MSRA: variants seen among roughly 807,000 people sequenced by gnomAD.
MSRA encodes methionine sulfoxide reductase A.
MSRA carries 54 observed loss-of-function variants against 31.3 expected under a neutral mutation model. The ratio of observed to expected loss-of-function variants is 1.73; its 90% CI spans 1.39 to 2.17. The LOEUF (loss-of-function observed/expected upper bound fraction) is 2.17. MSRA is among the 30% of genes most tolerant of loss of function. The pLI is 0.00. For missense variants in MSRA, 507 were observed against 300.9 expected, an observed-to-expected ratio of 1.69 and a Z score of -5.07; for synonymous variants, 169 against 116.5, an observed-to-expected ratio of 1.45 and a Z score of -2.90.
chr8:10,234,985 A>T (rs1251791934), intron 2 of MSRA, among the ~76,000 whole-genome samples: 1 of 152,146 alleles, frequency 6.6e-6, no homozygotes, highest in Non-Finnish European at 1.5e-5. Flanking sequence ...GGAAATTTTA[A>T]TTGAATCTCT....
At chr8:10,115,251 T>G (rs942482767) in intron 1 of MSRA, among the ~76,000 whole-genome samples, 23 of 152,140 alleles carry the variant, frequency 1.5e-4, no homozygotes, top group African/African-American at 5.3e-4. Flanking sequence ...AAAAATATAT[T>G]CATAGAACAC....
intron 5 of MSRA, among the ~76,000 whole-genome samples, chr8:10,325,453 G>T (rs1261159636): frequency 6.6e-6 from 1 of 152,174 alleles, no homozygotes; most frequent in South Asian, 2.1e-4. Flanking sequence ...GTCATGTATA[G>T]ATCTTAGGTG....
chr8:10,124,529 G>A (rs1468011527), intron 1 of MSRA, among the ~76,000 whole-genome samples: 1 of 152,184 alleles, frequency 6.6e-6, no homozygotes, highest in African/African-American at 2.4e-5. Context: ...TGCCATAATT[G>A]GAGCTAGGAC....
chr8:10,144,599 C>G (rs193098304), intron 1 of MSRA, among the ~76,000 whole-genome samples: 138 of 151,986 alleles, frequency 9.1e-4, no homozygotes, highest in African/African-American at 3.0e-3. Flanking sequence ...CGCTTCCCCC[C>G]CTCCTCCCCC....
intron 1 of MSRA, among the ~76,000 whole-genome samples, chr8:10,088,723 G>C (rs1198790803): frequency 6.6e-6 from 1 of 151,936 alleles, no homozygotes; most frequent in Non-Finnish European, 1.5e-5. Flanking sequence ...GCACCAGAGT[G>C]AGACTTCATC....
At chr8:10,141,240 C>T (rs1802679539) in intron 1 of MSRA, among the ~76,000 whole-genome samples, 2 of 152,150 alleles carry the variant, frequency 1.3e-5, no homozygotes. Flanking sequence ...CTGTGTGCCT[C>T]GCCCCTCACG....
At chr8:10,260,189 A>C (rs1406458511) in intron 3 of MSRA, among the ~76,000 whole-genome samples, 1 of 152,272 alleles carries the variant, frequency 6.6e-6, no homozygotes, top group Non-Finnish European at 1.5e-5. Flanking sequence ...CCATTGATGC[A>C]GGAGGCTCTC....
rs62488744 is a variant in MSRA at position 10,179,854 on chromosome 8, C to G, written c.143-27979C>G. 5.6e-3 allele frequency among the ~76,000 whole-genome samples: 846 copies of G among 152,290 alleles called. 2 individuals are homozygous for G. Among genetic ancestry groups the G allele is most frequent in the Non-Finnish European group, 8.0e-3 (542 of 68,020 alleles). On this transcript the variant is annotated intron_variant, in intron 1 of 5. Coordinates refer to ENST00000317173, the MANE Select transcript of MSRA (RefSeq NM_012331.5). ...TGCCTTCCTGGTTTCCTACACCTCT[C>G]CCCATGTAAAGATTTTTATTTGCAG...
At chr8:10,217,536 A>G (rs901231516) in intron 2 of MSRA, among the ~76,000 whole-genome samples, 1 of 152,174 alleles carries the variant, frequency 6.6e-6, no homozygotes, top group Non-Finnish European at 1.5e-5. Flanking sequence ...TTACTTTGCA[A>G]TTGTGAAAGA....
chr8:10,324,216 AC>A (rs1267158628), intron 5 of MSRA, among the ~76,000 whole-genome samples: 8 of 152,152 alleles, frequency 5.3e-5, no homozygotes, highest in African/African-American at 1.9e-4. Context: ...GGCTAGTGTG[AC>A]TGAGGAACTG....
At chr8:10,121,426 C>T (rs1801100229) in intron 1 of MSRA, among the ~76,000 whole-genome samples, 1 of 152,106 alleles carries the variant, frequency 6.6e-6, no homozygotes, top group African/African-American at 2.4e-5. Flanking sequence ...TTTTGCAGTG[C>T]TTGGCAGGCT....
chr8:10,306,619 T>C (rs1025171144), intron 4 of MSRA, among the ~76,000 whole-genome samples: 1 of 152,160 alleles, frequency 6.6e-6, no homozygotes, highest in Non-Finnish European at 1.5e-5. Context: ...AAAAGCCTCC[T>C]TAAGGCTTCT....
At chr8:10,208,032 A>G in intron 2 of MSRA, 131 bp downstream of exon 2, 1 of 637,800 alleles carries the variant, frequency 1.6e-6, no homozygotes, top group Non-Finnish European at 2.6e-6. Context: ...GTTACAGCCA[A>G]GAAAACTATT....
At chr8:10,276,506 C>T (rs1799329600) in intron 3 of MSRA, among the ~76,000 whole-genome samples, 1 of 152,218 alleles carries the variant, frequency 6.6e-6, no homozygotes, top group African/African-American at 2.4e-5. Context: ...GTCTGCCCAT[C>T]TCCAAGGCAT....
intron 3 of MSRA, among the ~76,000 whole-genome samples, chr8:10,246,753 G>T (rs1797642476): frequency 6.6e-6 from 1 of 152,164 alleles, no homozygotes; most frequent in African/African-American, 2.4e-5. Context: ...TTGCTCTAGA[G>T]AAGGATTGAA....
chr8:10,417,143 A>G (rs958741894), intron 5 of MSRA, among the ~76,000 whole-genome samples: 3 of 152,038 alleles, frequency 2.0e-5, no homozygotes, highest in Non-Finnish European at 2.9e-5. Flanking sequence ...ACCAAGTTAG[A>G]TCTAATTGTG....
intron 1 of MSRA, among the ~76,000 whole-genome samples, chr8:10,127,996 C>T (rs1801622264): frequency 6.6e-6 from 1 of 152,044 alleles, no homozygotes; most frequent in Non-Finnish European, 1.5e-5. Flanking sequence ...GTGGACCCAC[C>T]TGTGACCGTG....
intron 5 of MSRA, among the ~76,000 whole-genome samples, chr8:10,413,858 C>G (rs188654451): frequency 2.0e-5 from 3 of 152,204 alleles, no homozygotes; most frequent in Admixed American, 2.0e-4. Context: ...TTGAAAACCA[C>G]TGAATTGTAA....
intron 3 of MSRA, among the ~76,000 whole-genome samples, chr8:10,282,859 C>A (rs1799695774): frequency 1.3e-5 from 2 of 152,172 alleles, no homozygotes; most frequent in Non-Finnish European, 1.5e-5. Context: ...CAGGTTACTT[C>A]ATCAGCTCTC....
Sources: allele counts gnomAD v4.1 joint callset (sites outside exome capture counted in the v4.1 genomes callset), GRCh38; gene constraint gnomAD v4.1.1; transcripts MANE v1.5; gene names NCBI Gene and HGNC (gene_info 2026-07-23, HGNC 2026-07-21).